The following NHSL2 variants were observed in gnomAD, a reference collection of about 807,000 sequenced individuals.
NHSL2 encodes the protein NHS like 2, also known as NHS-like protein 2.
Under a neutral mutation model 53.4 loss-of-function variants are expected in NHSL2, and 27 were observed. That is an observed-to-expected ratio of 0.51 (90% CI 0.37 to 0.70). The LOEUF (loss-of-function observed/expected upper bound fraction) is 0.70. NHSL2 is among the 30% of genes least tolerant of loss of function. The pLI is 0.00. For missense variants in NHSL2, 892 were observed against 980.1 expected, an observed-to-expected ratio of 0.91 and a Z score of 1.20; for synonymous variants, 408 against 404.1, an observed-to-expected ratio of 1.01 and a Z score of -0.12.
At chrX:72,108,732 A>G (rs2042066288) in intron 1 of NHSL2, among the ~76,000 whole-genome samples, 1 of 112,087 alleles carries the variant, frequency 8.9e-6, no homozygotes, top group Admixed American at 9.4e-5. Context: ...ATTTGAGGAC[A>G]TGCGGGTCCG....
In NHSL2 at chrX:71,980,908, C is replaced by A. The variant is rs770304079; in HGVS notation, c.280+69541C>A. On this transcript the variant is annotated intron_variant, in intron 1 of 7. Transcript: ENST00000633930. ...CAATGATTTTTGTAATTATTATTTT[C>A]CCTAGACCCAATTCTCAACTAGGGT... 1.4e-4 allele frequency among the ~76,000 whole-genome samples: 16 copies of A among 111,783 alleles called. No individual in the cohort carries two copies. The South Asian group carries it at 6.0e-3, about 42-fold the overall frequency.
At chrX:71,978,122 G>A (rs1201773059) in intron 1 of NHSL2, among the ~76,000 whole-genome samples, 2 of 112,499 alleles carry the variant, frequency 1.8e-5, no homozygotes, top group African/African-American at 6.5e-5. Context: ...CATCTAAAGT[G>A]CTTAGCGCAG....
chrX:72,011,499 A>G (rs913782959), intron 1 of NHSL2, among the ~76,000 whole-genome samples: 11 of 111,695 alleles, frequency 9.8e-5, no homozygotes, highest in South Asian at 3.7e-4. Flanking sequence ...GTGAAACCCC[A>G]TCTCTACTAA....
chrX:71,932,569 A>G (rs889045741), intron 1 of NHSL2, among the ~76,000 whole-genome samples: 13 of 111,474 alleles, frequency 1.2e-4, no homozygotes, highest in Admixed American at 3.8e-4. Flanking sequence ...GGCGATGGCA[A>G]CCCTGCAGAG....
chrX:72,112,664 C>T (rs904346616), intron 1 of NHSL2, among the ~76,000 whole-genome samples: 3 of 111,601 alleles, frequency 2.7e-5, no homozygotes, highest in African/African-American at 9.8e-5. Flanking sequence ...AAGGTTCATC[C>T]ATGTTGTAGC....
intron 1 of NHSL2, among the ~76,000 whole-genome samples, chrX:71,933,231 C>A (rs1330267938): frequency 8.9e-6 from 1 of 111,805 alleles, no homozygotes; most frequent in Non-Finnish European, 1.9e-5. Context: ...CAGTGAGAGT[C>A]GCCCTGTCCA....
chrX:72,012,788 A>C (rs2042121240), intron 1 of NHSL2, among the ~76,000 whole-genome samples: 1 of 112,330 alleles, frequency 8.9e-6, no homozygotes, highest in East Asian at 2.8e-4. Flanking sequence ...ACCATTCAAA[A>C]AGGCTATCTT....
intron 1 of NHSL2, among the ~76,000 whole-genome samples, chrX:71,985,710 G>T (rs771460782): frequency 2.0e-4 from 23 of 112,606 alleles, no homozygotes; most frequent in Non-Finnish European, 3.8e-4. Flanking sequence ...GATTGCTTCA[G>T]TCTTCTATTA....
chrX:71,998,992 C>T (rs979237128), intron 1 of NHSL2, among the ~76,000 whole-genome samples: 7 of 112,506 alleles, frequency 6.2e-5, no homozygotes, highest in Non-Finnish European at 1.1e-4. Context: ...GTTGTTCCTT[C>T]TGCTTCCTCA....
At chrX:72,009,650 C>T (rs953918412) in intron 1 of NHSL2, among the ~76,000 whole-genome samples, 2 of 112,616 alleles carry the variant, frequency 1.8e-5, no homozygotes, top group African/African-American at 6.5e-5. Context: ...CACCTCATAT[C>T]CTCCATCCAT....
intron 1 of NHSL2, among the ~76,000 whole-genome samples, chrX:72,110,533 C>T: frequency 9.1e-6 from 1 of 109,417 alleles, no homozygotes; most frequent in Non-Finnish European, 1.9e-5. Flanking sequence ...TGTTTGCAAC[C>T]CTTTCCCCTG....
chrX:71,987,094 C>T (rs1050265488), intron 1 of NHSL2, among the ~76,000 whole-genome samples: 5 of 111,444 alleles, frequency 4.5e-5, no homozygotes, highest in African/African-American at 1.6e-4. Flanking sequence ...GCCTGTAATC[C>T]CAGCTACTCG....
chrX:72,046,134 C>T (rs2042304368), intron 1 of NHSL2, among the ~76,000 whole-genome samples: 1 of 112,258 alleles, frequency 8.9e-6, no homozygotes, highest in Admixed American at 9.4e-5. Context: ...TCTGTTTCCC[C>T]GAATTCCCTA....
intron 1 of NHSL2, among the ~76,000 whole-genome samples, chrX:72,064,960 T>C (rs971003374): frequency 2.7e-4 from 30 of 112,044 alleles, no homozygotes; most frequent in African/African-American, 9.1e-4. Flanking sequence ...CTGAGCACAG[T>C]GCTCAGTGAA....
chrX:72,006,364 G>A (rs1337096848), intron 1 of NHSL2, among the ~76,000 whole-genome samples: 1 of 111,959 alleles, frequency 8.9e-6, no homozygotes, highest in African/African-American at 3.3e-5. Context: ...TGGTTTATCC[G>A]TCTCTCAGAC....
intron 1 of NHSL2, among the ~76,000 whole-genome samples, chrX:71,972,018 A>G (rs1001104341): frequency 1.8e-5 from 2 of 110,849 alleles, no homozygotes; most frequent in Non-Finnish European, 3.8e-5. Flanking sequence ...ATTTGTTTCT[A>G]TGGGAATGTC....
At chrX:72,134,294 C>G in intron 3 of NHSL2, 76 bp downstream of exon 3, 6 of 1,039,823 alleles carry the variant, frequency 5.8e-6, no homozygotes, top group Non-Finnish European at 7.8e-6. Flanking sequence ...CTTACTTTAC[C>G]CACTGGAAGC....
At chrX:72,080,052 G>A (rs529125529) in intron 1 of NHSL2, 81 of 112,294 alleles carry the variant, frequency 7.2e-4, no homozygotes, top group African/African-American at 2.4e-3. Flanking sequence ...AGGAGTATGT[G>A]ATCGATGGGA....
chrX:72,152,523 AACAGGCTGACAT>A lies in NHSL2; in HGVS notation c.*8954_*8965del, dbSNP rs1190841922. The A allele has an allele frequency of 8.9e-6, 1 of 111,964 alleles. No individual in the cohort carries two copies. The highest frequency in any genetic ancestry group is 3.3e-5 in the African/African-American group (1 of 30,685). The allele number at this position is 111,964 out of a possible 1,213,427, so 9.2% of individuals were successfully genotyped here. The stretch of plus-strand genomic sequence containing the variant: ...GACCTTCTTTCCATTGGCAATTCAA[AACAGGCTGACAT>A]ACAGAGGGCTAGCACTCTAATTTGA... On this transcript the variant is annotated 3_prime_UTR_variant, in exon 8 of 8. Coordinates refer to ENST00000633930, the MANE Select transcript of NHSL2 (RefSeq NM_001013627.3).
Sources: gnomAD v4.1 joint callset for allele counts (sites outside exome capture counted in the v4.1 genomes callset) on GRCh38, gnomAD v4.1.1 for gene constraint, MANE v1.5 for transcripts, NCBI Gene and HGNC (gene_info 2026-07-23, HGNC 2026-07-21) for gene names.